ARHGAP18: variants seen among roughly 807,000 people sequenced by gnomAD.
ARHGAP18 encodes the protein Rho GTPase activating protein 18.
In ARHGAP18, 67 loss-of-function variants were observed where a neutral mutation model predicts 86.2. That is an observed-to-expected ratio of 0.78 (90% CI 0.64 to 0.95). The LOEUF is 0.95. Among genes scored for constraint, ARHGAP18 ranks in the 40% least tolerant of loss-of-function variants. ARHGAP18 has a pLI of 0.00. For missense variants in ARHGAP18, 691 were observed against 780.4 expected, an observed-to-expected ratio of 0.89 and a Z score of 1.37; for synonymous variants, 283 against 280.4, an observed-to-expected ratio of 1.01 and a Z score of -0.09.
chr6:129,578,733 G>A, intron 14 of ARHGAP18, 129 bp from the exon 15 acceptor site: 1 of 648,940 alleles, frequency 1.5e-6, no homozygotes, highest in South Asian at 2.3e-5. Context: ...GGAGGCCGAG[G>A]TGGGCAGATT....
At chr6:129,692,011 A>T in intron 1 of ARHGAP18, among the ~76,000 whole-genome samples, 1 of 152,208 alleles carries the variant, frequency 6.6e-6, no homozygotes, top group East Asian at 1.9e-4. Flanking sequence ...GCACTGACAC[A>T]GCCAGCACCT....
rs1408184704 is a variant in ARHGAP18 at position 129,618,736 on chromosome 6, T to C, written c.903A>G (p.Val301=). The change falls in exon 6 of 15, where the codon GTA becomes GTG. Residue 301 remains valine (V), a synonymous_variant. Coordinates refer to ENST00000368149, the MANE Select transcript of ARHGAP18 (RefSeq NM_033515.3). ...ALIELTALYD[V]LGIELKQQKA... The stretch of plus-strand genomic sequence containing the variant: ...TTTGTTGTTTCAGCTCAATACCCAA[T>C]ACATCATAGAGGGCAGTCAGCTCAA... 3.1e-6 allele frequency: 5 copies of C among 1,613,462 alleles called. No individual in the cohort carries two copies. The highest frequency in any genetic ancestry group is 1.7e-5 in the Admixed American group (1 of 59,982).
chr6:129,591,012 G>C (rs954385128), intron 12 of ARHGAP18, among the ~76,000 whole-genome samples: 1 of 152,140 alleles, frequency 6.6e-6, no homozygotes. Flanking sequence ...TTTCTGGGAA[G>C]TTTTTGCTGG....
chr6:129,693,976 TAGA>T (rs1206358328), intron 1 of ARHGAP18, among the ~76,000 whole-genome samples: 1 of 152,236 alleles, frequency 6.6e-6, no homozygotes, highest in African/African-American at 2.4e-5. Flanking sequence ...CAGAATTTTG[TAGA>T]AGTATTTACT....
intron 1 of ARHGAP18, among the ~76,000 whole-genome samples, chr6:129,707,824 T>C (rs1774827145): frequency 6.6e-6 from 1 of 151,904 alleles, no homozygotes; most frequent in African/African-American, 2.4e-5. Context: ...TTTTAAGAGT[T>C]TTGTTTTGTT....
At chr6:129,653,765 T>C (rs1223481696) in intron 1 of ARHGAP18, among the ~76,000 whole-genome samples, 2 of 151,618 alleles carry the variant, frequency 1.3e-5, no homozygotes, top group Non-Finnish European at 2.9e-5. Flanking sequence ...AAAGACAATT[T>C]CCACATGCAA....
intron 12 of ARHGAP18, 118 bp downstream of exon 12, chr6:129,599,098 T>TG: frequency 2.5e-6 from 2 of 812,580 alleles, no homozygotes; most frequent in Admixed American, 7.5e-5. Context: ...CACTTACAAG[T>TG]AGCACCACAG....
rs73776346 is a variant in ARHGAP18, at chr6:129,638,742, C to T, written c.317-113G>A. On this transcript the variant is annotated intron_variant, in intron 2 of 14. Transcript: ENST00000368149. ...CTTCTATTGTAACCAAACCACAGTG[C>T]TAAGAATCATTATCTAAAACTTGGA... 1,799 of 931,226 alleles carry T rather than the reference C, an allele frequency of 1.9e-3. 21 individuals carry two copies. In the African/African-American group the frequency reaches 0.028, roughly 15 times the overall value. The allele number at this position is 931,226 out of a possible 1,614,324, so 57.7% of individuals were successfully genotyped here. A position where few individuals can be genotyped will look rare whatever the true frequency, so the allele number is the denominator to read the frequency against.
At chr6:129,642,556 A>G (rs1046495393) in intron 1 of ARHGAP18, among the ~76,000 whole-genome samples, 13 of 151,918 alleles carry the variant, frequency 8.6e-5, no homozygotes, top group African/African-American at 2.7e-4. Flanking sequence ...TCAACCTCCC[A>G]AAGCACTGAG....
At chr6:129,597,966 A>T (rs889124041) in intron 12 of ARHGAP18, among the ~76,000 whole-genome samples, 1 of 152,172 alleles carries the variant, frequency 6.6e-6, no homozygotes, top group Non-Finnish European at 1.5e-5. Context: ...GTTTTTCTAA[A>T]TATTATTTAA....
At chr6:129,679,976 C>G (rs1333974087) in intron 1 of ARHGAP18, among the ~76,000 whole-genome samples, 1 of 152,196 alleles carries the variant, frequency 6.6e-6, no homozygotes, top group Non-Finnish European at 1.5e-5. Flanking sequence ...GCCGTGGCCA[C>G]ATGACTTCAA....
intron 1 of ARHGAP18, among the ~76,000 whole-genome samples, chr6:129,659,909 C>T (rs965530082): frequency 6.6e-6 from 1 of 152,076 alleles, no homozygotes; most frequent in Non-Finnish European, 1.5e-5. Flanking sequence ...TAGGAGTCTA[C>T]CAGGTAGAAC....
intron 6 of ARHGAP18, 111 bp downstream of exon 6, chr6:129,618,576 G>A: frequency 2.0e-6 from 2 of 1,001,976 alleles, no homozygotes; most frequent in East Asian, 2.6e-5. Context: ...GTATTCAAGT[G>A]TTGGTTTATT....
At chr6:129,657,123 T>C (rs4337949) in intron 1 of ARHGAP18, among the ~76,000 whole-genome samples, 1 of 151,950 alleles carries the variant, frequency 6.6e-6, no homozygotes, top group South Asian at 2.1e-4. Context: ...ATTAATTTTA[T>C]AAACAGGTAC....
rs570143298 is a variant in ARHGAP18, at chr6:129,657,843, A to C, written c.114-15825T>G. ...AATTGCAATAAGCGATGGAGTATGC[A>C]TGACAGAAAAGAGACCGACATTTAT... On this transcript the variant is annotated intron_variant, in intron 1 of 14. Coordinates refer to ENST00000368149, the MANE Select transcript of ARHGAP18 (RefSeq NM_033515.3). Among the ~76,000 whole-genome samples the C allele has an allele frequency of 5.3e-5, 8 of 152,350 alleles. No individual in the cohort carries two copies. In the South Asian group the frequency reaches 1.7e-3, roughly 32 times the overall value.
Position 129,578,472 on chromosome 6 carries a change from T to C in ARHGAP18, c.*41A>G, listed in dbSNP as rs1477045126. The C allele has an allele frequency of 6.6e-7, 1 of 1,507,894 alleles. No homozygotes were observed. Among genetic ancestry groups the C allele is most frequent in the Non-Finnish European group, 9.2e-7 (1 of 1,089,058 alleles). The allele number at this position is 1,507,894 out of a possible 1,614,324, so 93.4% of individuals were successfully genotyped here. On this transcript the variant is annotated 3_prime_UTR_variant, in exon 15 of 15. Coordinates refer to ENST00000368149, the MANE Select transcript of ARHGAP18 (RefSeq NM_033515.3). ...TACACTCTTGACTCAGCAAGAATTATGACAGAAGTCCACATGGTTATCTGC... is the reference window on the plus strand; with the variant it reads ...TACACTCTTGACTCAGCAAGAATTACGACAGAAGTCCACATGGTTATCTGC...
chr6:129,671,495 T>C (rs1455350094), intron 1 of ARHGAP18, among the ~76,000 whole-genome samples: 1 of 152,052 alleles, frequency 6.6e-6, no homozygotes, highest in Non-Finnish European at 1.5e-5. Context: ...GCCTGGGGGT[T>C]CAAGATCAGC....
chr6:129,642,382 T>A (rs1773487186), intron 1 of ARHGAP18, among the ~76,000 whole-genome samples: 1 of 152,184 alleles, frequency 6.6e-6, no homozygotes, highest in Non-Finnish European at 1.5e-5. Context: ...ATTACTGGGC[T>A]CAAGTGATCT....
chr6:129,698,236 T>G (rs1774652113), intron 1 of ARHGAP18, among the ~76,000 whole-genome samples: 1 of 152,194 alleles, frequency 6.6e-6, no homozygotes, highest in East Asian at 1.9e-4. Flanking sequence ...CCTTCACTGT[T>G]GTTTAAACAT....
Sources: allele counts gnomAD v4.1 joint callset (sites outside exome capture counted in the v4.1 genomes callset), GRCh38; gene constraint gnomAD v4.1.1; transcripts MANE v1.5; gene names NCBI Gene and HGNC (gene_info 2026-07-23, HGNC 2026-07-21).